TLE3: variants seen among roughly 807,000 people sequenced by gnomAD.
The protein encoded by TLE3 is TLE family member 3, transcriptional corepressor.
In TLE3, 14 loss-of-function variants were observed where a neutral mutation model predicts 93.0. The observed-to-expected ratio is 0.15, with a 90% CI of 0.10 to 0.24. The LOEUF (loss-of-function observed/expected upper bound fraction) is 0.24, where lower values mean the gene tolerates loss of function less well. TLE3 is among the 10% of genes least tolerant of loss of function. The pLI, the probability that TLE3 is intolerant of heterozygous loss-of-function variation, is 1.00. For synonymous variants in TLE3, 451 were observed against 425.0 expected (o/e 1.06, Z -0.75); for missense variants, 693 against 1,046.6 (o/e 0.66, Z 4.66).
chr15:70,054,706 G>A lies in TLE3; in HGVS notation c.1579-21C>T, dbSNP rs767814811. On this transcript the variant is annotated intron_variant, in intron 15 of 19. Transcript: ENST00000451782. The stretch of plus-strand genomic sequence containing the variant: ...CTGTTCTGGAGGGAGAAGGGGCAGG[G>A]CTGAGTGCTGCCTACTTCCCCTCCT... The A allele has an allele frequency of 4.5e-6, 7 of 1,553,582 alleles. No individual in the cohort carries two copies. In the Admixed American group the frequency reaches 5.5e-5, roughly 12 times the overall value.
At chr15:70,066,651 C>T (rs1363807234) in intron 6 of TLE3, 1 of 164,904 alleles carries the variant, frequency 6.1e-6, no homozygotes, top group African/African-American at 2.4e-5. Context: ...CATCTTCCAC[C>T]CTGAGGCTGG....
Position 70,054,693 on chromosome 15 carries a change from G to C in TLE3, c.1579-8C>G. On this transcript the variant is annotated splice_region_variant and splice_polypyrimidine_tract_variant and intron_variant, in intron 15 of 19. Transcript: ENST00000451782. Reference sequence around the variant, plus strand: ...GATGTAATTGTCCCTGTTCTGGAGGGAGAAGGGGCAGGGCTGAGTGCTGCC... The same window carrying C: ...GATGTAATTGTCCCTGTTCTGGAGGCAGAAGGGGCAGGGCTGAGTGCTGCC... 5 of 1,577,862 alleles carry C rather than the reference G, an allele frequency of 3.2e-6. No individual in the cohort carries two copies. The East Asian group carries it at 1.1e-4, about 36-fold the overall frequency.
chr15:70,058,284 T>C lies in TLE3; in HGVS notation c.926A>G (p.Lys309Arg). ...GGACTTGAGCCCAGGGGTGGAGGAT[T>C]TGTCGTTCTGAAGAGGGGAGATGCA... ...SKTKDLGHND[K>R]SSTPGLKSNT... The change falls in exon 12 of 20, where the codon AAA (lysine) becomes AGA (arginine). Residue 309 changes from lysine to arginine, a missense_variant. By Grantham distance (26) the Lys-to-Arg change is conservative. This residue lies in a region of TLE3 where 405 missense variants were observed against 468.9 expected (regional missense o/e 0.86). Transcript: ENST00000451782. The surrounding 1 kb of genome is among the most constrained non-coding windows in gnomAD (Gnocchi z 4.1). The C allele has an allele frequency of 6.2e-7, 1 of 1,606,962 alleles. No individual in the cohort carries two copies. Among genetic ancestry groups the C allele is most frequent in the Non-Finnish European group, 8.5e-7 (1 of 1,176,274 alleles).
intron 4 of TLE3, among the ~76,000 whole-genome samples, chr15:70,084,007 C>T (rs900951453): frequency 2.0e-5 from 3 of 152,198 alleles, no homozygotes; most frequent in African/African-American, 7.2e-5. Flanking sequence ...GATGGCATTT[C>T]TTAGGCTATA....
intron 5 of TLE3, 81 bp downstream of exon 5, chr15:70,076,015 G>C (rs1595947931): frequency 3.8e-6 from 5 of 1,328,144 alleles, no homozygotes; most frequent in Non-Finnish European, 5.4e-6. Flanking sequence ...GCTGGGGCTG[G>C]GGCTCAGGCT....
At chr15:70,056,449 A>C in intron 13 of TLE3, 75 bp from the exon 14 acceptor site, 1 of 1,414,698 alleles carries the variant, frequency 7.1e-7, no homozygotes, top group Non-Finnish European at 9.8e-7. Flanking sequence ...TCCACCACCC[A>C]CCCGGGGTCC....
intron 4 of TLE3, 61 bp from the exon 5 acceptor site, chr15:70,076,219 T>C (rs2057437068): frequency 9.7e-6 from 15 of 1,548,094 alleles, no homozygotes; most frequent in East Asian, 2.3e-5. Flanking sequence ...TGAAATGTCA[T>C]AGGCAAGTGG....
In TLE3 at chr15:70,053,317, G is replaced by C. The variant is rs780551049; in HGVS notation, c.1884C>G (p.Thr628=). 5.0e-6 allele frequency: 8 copies of C among 1,609,114 alleles called. No individual in the cohort carries two copies. Among genetic ancestry groups the C allele is most frequent in the Non-Finnish European group, 5.9e-6 (7 of 1,177,754 alleles). ...ASCIDISHDG[T]KLWTGGLDNT... The stretch of plus-strand genomic sequence containing the variant: ...TGTCCAGGCCCCCTGTCCACAGTTT[G>C]GTGCCATCATGGGAGATGTCTATGC... The change falls in exon 17 of 20, where the codon ACC becomes ACG. Residue 628 remains threonine (T), a synonymous_variant. Transcript: ENST00000451782.
At chr15:70,060,507 G>A (rs754342796) in intron 9 of TLE3, 23 bp downstream of exon 9, 49 of 1,612,936 alleles carry the variant, frequency 3.0e-5, no homozygotes, top group Non-Finnish European at 1.6e-5. Context: ...AACCCCAGTG[G>A]TGCCATGGCG....
chr15:70,086,051 T>C (rs2141971572), intron 4 of TLE3, among the ~76,000 whole-genome samples: 1 of 152,236 alleles, frequency 6.6e-6, no homozygotes. Flanking sequence ...ACTTCCTCTG[T>C]CTCCCCTGCT....
At position 70,095,638 on chromosome 15, in the gene TLE3, G is replaced by A; in HGVS notation, c.129C>T (p.Leu43=). Residue 43 remains leucine, a synonymous_variant, in exon 3 of 20, where the codon CTC becomes CTT. Transcript: ENST00000451782. ...FQFLQAQYHS[L]KVEYDKLANE... ...TTGCCAGCTTGTCGTACTCCACTTT[G>A]AGGCTGCGAGGGCAGGAGGAGCCGG... 6.4e-7 allele frequency: 1 copy of A among 1,551,504 alleles called. No individual in the cohort carries two copies. Among genetic ancestry groups the A allele is most frequent in the Admixed American group, 2.0e-5 (1 of 51,006 alleles).
chr15:70,078,255 A>G (rs534598695), intron 4 of TLE3, among the ~76,000 whole-genome samples: 4 of 152,318 alleles, frequency 2.6e-5, no homozygotes, highest in African/African-American at 9.6e-5. Flanking sequence ...ATGAAGCAAA[A>G]AAGTCCGGGT....
At chr15:70,057,365 A>AGG in intron 13 of TLE3, 94 bp downstream of exon 13, 1 of 1,422,016 alleles carries the variant, frequency 7.0e-7, no homozygotes, top group South Asian at 1.4e-5. Flanking sequence ...TGAGACCCTG[A>AGG]GGGGCCCCTT....
At chr15:70,077,585 T>C (rs1457683309) in intron 4 of TLE3, among the ~76,000 whole-genome samples, 1 of 152,220 alleles carries the variant, frequency 6.6e-6, no homozygotes, top group Non-Finnish European at 1.5e-5. Flanking sequence ...CGCCTCTGGT[T>C]TGTGGAAAGG....
chr15:70,055,899 G>A lies in TLE3; in HGVS notation c.1328+399C>T, dbSNP rs79030910. 143 of 335,186 alleles carry A rather than the reference G, an allele frequency of 4.3e-4. No individual in the cohort carries two copies. The East Asian group carries it at 0.011, about 25-fold the overall frequency. 20.8% of individuals were successfully genotyped at this position (335,186 alleles called of 1,614,324 possible). A position where few individuals can be genotyped will look rare whatever the true frequency, so the allele number is the denominator to read the frequency against. On this transcript the variant is annotated intron_variant, in intron 14 of 19. Transcript: ENST00000451782. ...AGGGCCGGGGAGAGTGTGCCCTCCA[G>A]GGGAGGGAAGCACTGCTGACAGGGA...
rs2056784259 is a variant in TLE3, at chr15:70,065,926, G to T, written c.577+88C>A. The T allele has an allele frequency of 1.1e-5, 15 of 1,383,916 alleles. No individual in the cohort carries two copies. In the South Asian group the frequency reaches 1.9e-4, roughly 18 times the overall value. The allele number at this position is 1,383,916 out of a possible 1,614,324, so 85.7% of individuals were successfully genotyped here. A position where few individuals can be genotyped will look rare whatever the true frequency, so the allele number is the denominator to read the frequency against. ...GGTAACTCCTGGTCTTAGGACGACAGCACTTGCTGGGTCCACTCACTGTGA... is the reference window on the plus strand; with the variant it reads ...GGTAACTCCTGGTCTTAGGACGACATCACTTGCTGGGTCCACTCACTGTGA... On this transcript the variant is annotated intron_variant, in intron 7 of 19. Coordinates refer to ENST00000451782, the MANE Select transcript of TLE3 (RefSeq NM_001105192.3).
At chr15:70,051,102 AT>A (rs2055492475) in intron 19 of TLE3, 1 of 266,106 alleles carries the variant, frequency 3.8e-6, no homozygotes, top group Non-Finnish European at 7.3e-6. Flanking sequence ...AAAAACACTT[AT>A]GCTATTCCTC....
At chr15:70,064,600 G>T in intron 7 of TLE3, 130 bp from the exon 8 acceptor site, 1 of 1,259,268 alleles carries the variant, frequency 7.9e-7, no homozygotes, top group South Asian at 1.3e-5. Context: ...GTTTTAAAAT[G>T]AGCAGAAGGC....
At chr15:70,074,641 A>G (rs764520037) in intron 5 of TLE3, 34 bp from the exon 6 acceptor site, 2 of 1,567,930 alleles carry the variant, frequency 1.3e-6, no homozygotes, top group South Asian at 2.3e-5. Flanking sequence ...AGATGCAGCC[A>G]CTTTCCTGGA....
Sources: gnomAD v4.1 joint callset for allele counts (sites outside exome capture counted in the v4.1 genomes callset) on GRCh38, gnomAD v4.1.1 for gene constraint, gnomAD v4.1.1 regional missense constraint, Gnocchi (gnomAD v3.1) non-coding constraint, MANE v1.5 for transcripts, NCBI Gene and HGNC (gene_info 2026-07-23, HGNC 2026-07-21) for gene names.